Variants in IGDCC4 observed in about 807,000 individuals in gnomAD.
IGDCC4 encodes likely ortholog of mouse neighbor of Punc E11.
Under a neutral mutation model 116.6 loss-of-function variants are expected in IGDCC4, and 72 were observed. That is an observed-to-expected ratio of 0.62 (90% CI 0.51 to 0.75). The LOEUF (loss-of-function observed/expected upper bound fraction) is 0.75. Among genes scored for constraint, IGDCC4 ranks in the 30% least tolerant of loss-of-function variants. The probability of loss-of-function intolerance (pLI) is 0.00; values close to 1 mark genes in which losing one functional copy is unlikely to be tolerated. For missense variants in IGDCC4, 1,501 were observed against 1,662.4 expected (o/e 0.90, Z 1.69); for synonymous variants, 709 against 719.9 (o/e 0.98, Z 0.24).
At position 65,422,903 on chromosome 15, in the gene IGDCC4, G is replaced by A. The variant is rs1036237496; in HGVS notation, c.-41C>T. The A allele has an allele frequency of 1.6e-3, 1,562 of 1,002,882 alleles. 3 individuals are homozygous for A. The highest frequency in any genetic ancestry group is 1.8e-3 in the Non-Finnish European group (1,501 of 841,376). 62.1% of individuals were successfully genotyped at this position (1,002,882 alleles called of 1,614,324 possible). ...CCGCCGCCGCCGCCGCCGCCTCCCC[G>A]TGCTTCGGCCGCCGCCGCGGGGGGA... On this transcript the variant is annotated 5_prime_UTR_variant, in exon 1 of 20. In the 5' UTR this introduces an upstream ATG that the reference lacks. Transcript: ENST00000352385.
chr15:65,389,118 A>C, intron 14 of IGDCC4, 140 bp from the exon 15 acceptor site: 1 of 1,142,648 alleles, frequency 8.8e-7, no homozygotes, highest in Non-Finnish European at 1.2e-6. Flanking sequence ...GAATTCTAGA[A>C]AACAGTATGT....
intron 5 of IGDCC4, among the ~76,000 whole-genome samples, chr15:65,400,084 C>T (rs1325553409): frequency 6.6e-6 from 1 of 152,210 alleles, no homozygotes; most frequent in Admixed American, 6.5e-5. Flanking sequence ...CTGGCCCCTC[C>T]TCTCCCCAGA....
At chr15:65,409,947 T>C (rs368530709) in intron 3 of IGDCC4, among the ~76,000 whole-genome samples, 2 of 152,150 alleles carry the variant, frequency 1.3e-5, no homozygotes, top group East Asian at 3.9e-4. Flanking sequence ...ACTCTACTAC[T>C]ACACCTACCC....
chr15:65,400,296 G>A (rs982484793), intron 5 of IGDCC4, among the ~76,000 whole-genome samples: 6 of 152,184 alleles, frequency 3.9e-5, no homozygotes, highest in Non-Finnish European at 5.9e-5. Flanking sequence ...AGAGGGCAGG[G>A]TCCCTGCCTC....
At chr15:65,397,093 AC>A in intron 5 of IGDCC4, 104 bp from the exon 6 acceptor site, 5 of 1,358,274 alleles carry the variant, frequency 3.7e-6, no homozygotes, top group Non-Finnish European at 5.0e-6. Context: ...AGCAAACACA[AC>A]CGTCCCTGGT....
intron 2 of IGDCC4, 159 bp downstream of exon 2, chr15:65,410,861 C>A: frequency 1.6e-6 from 1 of 611,506 alleles, no homozygotes; most frequent in Non-Finnish European, 2.9e-6. Context: ...TGAGGATAGA[C>A]AATACCAGGA....
intron 3 of IGDCC4, 52 bp from the exon 4 acceptor site, chr15:65,402,539 A>AG: frequency 1.9e-6 from 3 of 1,545,584 alleles, no homozygotes; most frequent in South Asian, 1.2e-5. Flanking sequence ...GGCCACAGGG[A>AG]GGGTGGCTCA....
At chr15:65,421,827 G>C (rs560678613) in intron 1 of IGDCC4, among the ~76,000 whole-genome samples, 1 of 151,616 alleles carries the variant, frequency 6.6e-6, no homozygotes, top group African/African-American at 2.4e-5. Flanking sequence ...GCCCCCAAAC[G>C]CACACCGGAC....
At position 65,381,890 on chromosome 15, in the gene IGDCC4, A is replaced by G. The variant is rs938660354; in HGVS notation, c.*2119T>C. On this transcript the variant is annotated 3_prime_UTR_variant, in exon 20 of 20. Coordinates refer to ENST00000352385, the MANE Select transcript of IGDCC4 (RefSeq NM_020962.3). Reference sequence around the variant, plus strand: ...TATCAACTGTGAGTTATAGGCAGATACCAGATTTATTACTTATTTGCTTTT... The same window carrying G: ...TATCAACTGTGAGTTATAGGCAGATGCCAGATTTATTACTTATTTGCTTTT... The G allele has an allele frequency of 2.6e-5, 4 of 152,648 alleles. No individual in the cohort carries two copies. Among genetic ancestry groups the G allele is most frequent in the African/African-American group, 9.6e-5 (4 of 41,458 alleles). The allele number at this position is 152,648 out of a possible 1,614,324, so 9.5% of individuals were successfully genotyped here. A position where few individuals can be genotyped will look rare whatever the true frequency, so the allele number is the denominator to read the frequency against.
At chr15:65,403,543 G>C (rs1003659679) in intron 3 of IGDCC4, among the ~76,000 whole-genome samples, 2 of 152,084 alleles carry the variant, frequency 1.3e-5, no homozygotes, top group South Asian at 4.1e-4. Context: ...CCAAGACATA[G>C]AGGAGGTCAC....
At chr15:65,403,447 TA>T (rs952317646) in intron 3 of IGDCC4, among the ~76,000 whole-genome samples, 5 of 152,288 alleles carry the variant, frequency 3.3e-5, no homozygotes, top group Admixed American at 2.0e-4. Context: ...GTTGGAATTT[TA>T]TTTACCCCTT....
chr15:65,393,404 C>T lies in IGDCC4; in HGVS notation c.1842G>A (p.Gln614=). Residue 614 remains glutamine, a synonymous_variant, in exon 10 of 20, where the codon CAG becomes CAA. Coordinates refer to ENST00000352385, the MANE Select transcript of IGDCC4 (RefSeq NM_020962.3). The surrounding 1 kb of genome is among the most constrained non-coding windows in gnomAD (Gnocchi z 4.6). ...GTAAGFGAPS[Q]WMHHRTPSMH... ...TACTGGGCGTCCTGTGATGCATCCA[C>T]TGGGAGGGGGCCCCGAAGCCGGCTG... The T allele has an allele frequency of 6.2e-7, 1 of 1,613,630 alleles. No individual in the cohort carries two copies. Among genetic ancestry groups the T allele is most frequent in the Non-Finnish European group, 8.5e-7 (1 of 1,179,772 alleles).
intron 15 of IGDCC4, 22 bp downstream of exon 15, chr15:65,388,786 G>A: frequency 6.2e-7 from 1 of 1,613,702 alleles, no homozygotes; most frequent in Non-Finnish European, 8.5e-7. Flanking sequence ...TTGAGCAGAT[G>A]CCCTGGGGCA....
intron 4 of IGDCC4, 137 bp from the exon 5 acceptor site, chr15:65,401,083 A>G: frequency 8.9e-7 from 1 of 1,122,024 alleles, no homozygotes; most frequent in Non-Finnish European, 1.3e-6. Flanking sequence ...TGGGGGACGT[A>G]GCCATAAAAT....
chr15:65,389,302 G>T lies in IGDCC4; in HGVS notation c.2518C>A (p.Arg840Ser), dbSNP rs144033948. Residue 840 changes from arginine to serine, a missense_variant, in exon 14 of 20, where the codon CGC becomes AGC. By Grantham distance (110) the Arg-to-Ser change is moderately radical. Transcript: ENST00000352385. Reference protein sequence around the residue: ...MDGPFGSVVERSTLPDRPSTP... With the variant: ...MDGPFGSVVESSTLPDRPSTP... ...CACTCACGGTCAGGCAGGGTGGAGC[G>T]CTCCACCACAGAGCCGAAAGGCCCA... 14 of 1,613,758 alleles carry T rather than the reference G, an allele frequency of 8.7e-6. No homozygotes were observed. In the African/African-American group the frequency reaches 1.7e-4, roughly 20 times the overall value.
chr15:65,391,234 G>GA (rs907840505), intron 12 of IGDCC4, among the ~76,000 whole-genome samples: 2 of 150,928 alleles, frequency 1.3e-5, no homozygotes, highest in African/African-American at 2.4e-5. Context: ...TGTCTCAAAA[G>GA]AAAAAAAAAG....
chr15:65,389,393 G>A lies in IGDCC4; in HGVS notation c.2427C>T (p.Leu809=), dbSNP rs917187925. ...TYYTSSGEDI[L]IGGLKPFTKY... is the part of the protein sequence containing the mutation. ...TGGTGAATGGCTTCAAGCCGCCAAT[G>A]AGGATGTCTTCTCCAGAACTGCTAA... The change falls in exon 14 of 20, where the codon CTC becomes CTT. Residue 809 remains leucine, a synonymous_variant. Transcript: ENST00000352385. 7 of 1,614,202 alleles carry A rather than the reference G, an allele frequency of 4.3e-6. No individual in the cohort carries two copies. Among genetic ancestry groups the A allele is most frequent in the Non-Finnish European group, 5.9e-6 (7 of 1,180,036 alleles).
intron 16 of IGDCC4, among the ~76,000 whole-genome samples, chr15:65,387,337 C>G (rs2091469651): frequency 6.7e-6 from 1 of 149,080 alleles, no homozygotes; most frequent in Non-Finnish European, 1.5e-5. Context: ...TGCCCGACCT[C>G]TAGCTTTTTT....
intron 2 of IGDCC4, 96 bp from the exon 3 acceptor site, chr15:65,410,415 G>A: frequency 7.0e-7 from 1 of 1,429,368 alleles, no homozygotes; most frequent in South Asian, 1.2e-5. Context: ...TGGAGACACA[G>A]AAACACACAG....
Sources: gnomAD v4.1 joint callset for allele counts (sites outside exome capture counted in the v4.1 genomes callset) on GRCh38, gnomAD v4.1.1 for gene constraint, Gnocchi (gnomAD v3.1) non-coding constraint, MANE v1.5 for transcripts, NCBI Gene and HGNC (gene_info 2026-07-23, HGNC 2026-07-21) for gene names.